Variants in CADM2 observed in about 807,000 individuals in gnomAD.
CADM2 encodes the protein immunoglobulin superfamily member 4D.
In CADM2, 12 loss-of-function variants were observed where a neutral mutation model predicts 49.8. The ratio of observed to expected loss-of-function variants is 0.24; its 90% CI spans 0.15 to 0.39. The LOEUF is 0.39. Ranked by LOEUF, CADM2 falls within the 10% of genes least tolerant of loss-of-function variation. The pLI, the probability that CADM2 is intolerant of heterozygous loss-of-function variation, is 1.00. For missense variants in CADM2, 378 were observed against 492.3 expected, an observed-to-expected ratio of 0.77 and a Z score of 2.20; for synonymous variants, 214 against 175.4, an observed-to-expected ratio of 1.22 and a Z score of -1.74.
chr3:85,815,728 A>T (rs990106395), intron 3 of CADM2, among the ~76,000 whole-genome samples: 1 of 152,134 alleles, frequency 6.6e-6, no homozygotes, highest in Non-Finnish European at 1.5e-5. Flanking sequence ...TCAACATAGT[A>T]CTGGAAGTTC....
At chr3:85,467,606 C>T (rs1185497158) in intron 1 of CADM2, among the ~76,000 whole-genome samples, 1 of 149,300 alleles carries the variant, frequency 6.7e-6, no homozygotes, top group Non-Finnish European at 1.5e-5. Context: ...AATTAAAAGG[C>T]TAATTAAAAA....
chr3:85,689,734 G>T (rs1055215998), intron 1 of CADM2, among the ~76,000 whole-genome samples: 1 of 152,170 alleles, frequency 6.6e-6, no homozygotes, highest in Non-Finnish European at 1.5e-5. Context: ...AAAATGAGCA[G>T]ATTATTCAGA....
At chr3:85,616,992 T>C (rs549944600) in intron 1 of CADM2, among the ~76,000 whole-genome samples, 1 of 152,270 alleles carries the variant, frequency 6.6e-6, no homozygotes, top group South Asian at 2.1e-4. Context: ...ACACTCAATG[T>C]GTTTTTCCTC....
chr3:85,194,313 G>A (rs1399973355), intron 1 of CADM2, among the ~76,000 whole-genome samples: 7 of 152,166 alleles, frequency 4.6e-5, no homozygotes, highest in Middle Eastern at 6.8e-3. Context: ...GTTGAACAGC[G>A]TAGACTACTG....
chr3:85,018,921 A>G (rs2034376946), intron 1 of CADM2, among the ~76,000 whole-genome samples: 1 of 152,162 alleles, frequency 6.6e-6, no homozygotes. Flanking sequence ...TCAGGACCCC[A>G]GGCTGTTTCC....
intron 8 of CADM2, among the ~76,000 whole-genome samples, chr3:86,040,890 A>C (rs538012031): frequency 8.5e-4 from 129 of 152,360 alleles, no homozygotes; most frequent in Admixed American, 1.6e-3. Context: ...CTCTTGGCAG[A>C]AACTCTACAA....
Position 85,365,206 on chromosome 3 carries a change from T to G in CADM2, c.62-361316T>G, listed in dbSNP as rs549492167. 3.4e-5 allele frequency among the ~76,000 whole-genome samples: 5 copies of G among 148,628 alleles called. No homozygotes were observed. In the East Asian group the frequency reaches 9.9e-4, roughly 29 times the overall value. On this transcript the variant is annotated intron_variant, in intron 1 of 9. Transcript: ENST00000383699. Reference sequence around the variant, plus strand: ...GGTTTTTTTTTTTTTTTACTTTTTTTTTTTTTTTAGATAATTCCCTGTTTA... The same window carrying G: ...GGTTTTTTTTTTTTTTTACTTTTTTGTTTTTTTTAGATAATTCCCTGTTTA...
At chr3:85,214,755 G>T (rs1217744993) in intron 1 of CADM2, among the ~76,000 whole-genome samples, 2 of 151,800 alleles carry the variant, frequency 1.3e-5, no homozygotes, top group African/African-American at 4.8e-5. Context: ...CCCATGGCAA[G>T]TACTGCCTGG....
At chr3:85,447,886 T>C (rs2107559431) in intron 1 of CADM2, among the ~76,000 whole-genome samples, 1 of 152,288 alleles carries the variant, frequency 6.6e-6, no homozygotes, top group East Asian at 1.9e-4. Flanking sequence ...GACAGTGCAA[T>C]AATGATTCTT....
chr3:85,152,090 A>G (rs115289765), intron 1 of CADM2, among the ~76,000 whole-genome samples: 4,718 of 152,014 alleles, frequency 0.031, 105 homozygotes, highest in East Asian at 0.046. Flanking sequence ...CTCATTTCTT[A>G]TTTTCTCTCT....
chr3:85,805,897 T>C, intron 3 of CADM2, among the ~76,000 whole-genome samples: 1 of 152,224 alleles, frequency 6.6e-6, no homozygotes, highest in East Asian at 1.9e-4. Flanking sequence ...AAGCTTCATC[T>C]ATAGCCTCAC....
intron 7 of CADM2, among the ~76,000 whole-genome samples, chr3:85,949,993 T>A (rs542710600): frequency 2.6e-5 from 4 of 151,226 alleles, no homozygotes; most frequent in African/African-American, 7.2e-5. Context: ...TGTACGCAGG[T>A]TGATAAAATG....
intron 1 of CADM2, among the ~76,000 whole-genome samples, chr3:85,614,079 A>G (rs916341522): frequency 6.6e-6 from 1 of 151,696 alleles, no homozygotes; most frequent in African/African-American, 2.4e-5. Flanking sequence ...AATGTTGAAA[A>G]CAATTAAAAT....
intron 1 of CADM2, among the ~76,000 whole-genome samples, chr3:85,588,933 A>C (rs533746358): frequency 1.3e-5 from 2 of 152,072 alleles, no homozygotes; most frequent in East Asian, 3.9e-4. Context: ...GATGCATTAA[A>C]TATTTCACTG....
At chr3:85,008,731 T>C (rs2033855804) in intron 1 of CADM2, among the ~76,000 whole-genome samples, 2 of 151,954 alleles carry the variant, frequency 1.3e-5, no homozygotes, top group South Asian at 2.1e-4. Flanking sequence ...AAGAAACATA[T>C]ATAAAGAGTC....
At chr3:85,788,343 T>C (rs981181409) in intron 2 of CADM2, among the ~76,000 whole-genome samples, 13 of 152,150 alleles carry the variant, frequency 8.5e-5, no homozygotes, top group Non-Finnish European at 1.6e-4. Context: ...TGGATATCAC[T>C]TTCTCTTACA....
chr3:85,041,852 A>G (rs1340719919), intron 1 of CADM2, among the ~76,000 whole-genome samples: 2 of 152,206 alleles, frequency 1.3e-5, no homozygotes, highest in African/African-American at 4.8e-5. Flanking sequence ...AGCTAATTGT[A>G]GAAATGATGG....
intron 1 of CADM2, among the ~76,000 whole-genome samples, chr3:85,550,800 A>G (rs1309816026): frequency 6.6e-6 from 1 of 152,006 alleles, no homozygotes; most frequent in Non-Finnish European, 1.5e-5. Flanking sequence ...CTCACCTTGA[A>G]CTAGGCTCTC....
chr3:85,093,147 T>G (rs1444680175), intron 1 of CADM2, among the ~76,000 whole-genome samples: 1 of 152,196 alleles, frequency 6.6e-6, no homozygotes, highest in Non-Finnish European at 1.5e-5. Flanking sequence ...ACTGTACTTT[T>G]ACCGTAGGAA....
Sources: gnomAD v4.1 joint callset for allele counts (sites outside exome capture counted in the v4.1 genomes callset) on GRCh38, gnomAD v4.1.1 for gene constraint, MANE v1.5 for transcripts, NCBI Gene and HGNC (gene_info 2026-07-23, HGNC 2026-07-21) for gene names.